PEX5L: variants seen among roughly 807,000 people sequenced by gnomAD.
PEX5L encodes the protein PEX5-related protein.
Under a neutral mutation model 84.0 loss-of-function variants are expected in PEX5L, and 30 were observed. That is an observed-to-expected ratio of 0.36 (90% CI 0.27 to 0.48). The LOEUF is 0.48. PEX5L is among the 20% of genes least tolerant of loss of function. The pLI, the probability that PEX5L is intolerant of heterozygous loss-of-function variation, is 0.99. For missense variants in PEX5L, 533 were observed against 754.6 expected (o/e 0.71, Z 3.44); for synonymous variants, 270 against 283.1 (o/e 0.95, Z 0.46).
At chr3:179,957,534 T>C (rs1179788913) in intron 2 of PEX5L, among the ~76,000 whole-genome samples, 1 of 152,144 alleles carries the variant, frequency 6.6e-6, no homozygotes. Context: ...TGGGATAAAC[T>C]AGCTCTACTA....
At chr3:179,961,364 TAA>T (rs34322140) in intron 2 of PEX5L, among the ~76,000 whole-genome samples, 78 of 150,088 alleles carry the variant, frequency 5.2e-4, no homozygotes, top group East Asian at 3.9e-3. Context: ...CAATGGAGCA[TAA>T]AAAAAAAAAC....
intron 4 of PEX5L, among the ~76,000 whole-genome samples, chr3:179,882,060 T>G (rs542645618): frequency 6.6e-6 from 1 of 152,326 alleles, no homozygotes; most frequent in East Asian, 1.9e-4. Context: ...TCCAGACCAC[T>G]ATTATGTTGG....
At chr3:179,949,422 C>T (rs6443682) in intron 2 of PEX5L, among the ~76,000 whole-genome samples, 89,585 of 151,980 alleles carry the variant, frequency 0.59, 27,544 homozygotes, top group African/African-American at 0.77. Flanking sequence ...GTCAGCATGA[C>T]TTTAAATTGC....
At chr3:179,986,165 A>AAT (rs761109429) in intron 1 of PEX5L, among the ~76,000 whole-genome samples, 247 of 122,138 alleles carry the variant, frequency 2.0e-3, no homozygotes, top group East Asian at 0.015. Context: ...TGTAATTTAA[A>AAT]ATATATATAT....
chr3:179,934,592 A>T (rs1401780194), intron 2 of PEX5L, among the ~76,000 whole-genome samples: 3 of 152,236 alleles, frequency 2.0e-5, no homozygotes, highest in Non-Finnish European at 4.4e-5. Context: ...GAATTCAGTT[A>T]TTGTTTTCAA....
chr3:179,892,478 AT>A (rs1757922029), intron 3 of PEX5L, among the ~76,000 whole-genome samples: 2 of 152,076 alleles, frequency 1.3e-5, no homozygotes, highest in African/African-American at 2.4e-5. Context: ...TCATCCAAGA[AT>A]TTTTTTTGTA....
chr3:179,901,647 G>T (rs1761381704), intron 2 of PEX5L, among the ~76,000 whole-genome samples: 1 of 152,078 alleles, frequency 6.6e-6, no homozygotes, highest in South Asian at 2.1e-4. Flanking sequence ...ACGTTGACTG[G>T]AAAAACAATA....
chr3:179,987,651 A>G (rs1306486955), intron 1 of PEX5L, among the ~76,000 whole-genome samples: 2 of 152,140 alleles, frequency 1.3e-5, no homozygotes, highest in East Asian at 3.9e-4. Context: ...GGCCTGACCA[A>G]TCCTCCTACC....
chr3:179,934,587 C>G (rs1467672053), intron 2 of PEX5L, among the ~76,000 whole-genome samples: 1 of 152,128 alleles, frequency 6.6e-6, no homozygotes, highest in East Asian at 1.9e-4. Flanking sequence ...AATTTGAATT[C>G]AGTTATTGTT....
intron 2 of PEX5L, among the ~76,000 whole-genome samples, chr3:179,924,609 T>C (rs1455603007): frequency 6.6e-6 from 1 of 152,162 alleles, no homozygotes; most frequent in African/African-American, 2.4e-5. Context: ...CCTCCTAAAT[T>C]GGCAAATTGC....
In PEX5L at chr3:179,797,346, A is replaced by T. The variant is rs1023283391; in HGVS notation, c.*4482T>A. On this transcript the variant is annotated 3_prime_UTR_variant, in exon 15 of 15. Transcript: ENST00000467460. ...AAAGCAAATAGAAAAACTGTAACACAAAGTTCATAAAAATGCTCCCTTGTA... is the reference window on the plus strand; with the variant it reads ...AAAGCAAATAGAAAAACTGTAACACTAAGTTCATAAAAATGCTCCCTTGTA... 6.6e-6 allele frequency: 1 copy of T among 152,326 alleles called. No homozygotes were observed. The highest frequency in any genetic ancestry group is 2.1e-4 in the South Asian group (1 of 4,828). 9.4% of individuals were successfully genotyped at this position (152,326 alleles called of 1,614,324 possible).
At chr3:179,997,293 G>C (rs1303397370) in intron 1 of PEX5L, among the ~76,000 whole-genome samples, 1 of 152,204 alleles carries the variant, frequency 6.6e-6, no homozygotes, top group East Asian at 1.9e-4. Context: ...TGGTCCTCCA[G>C]TTAAAGTAGG....
intron 3 of PEX5L, among the ~76,000 whole-genome samples, chr3:179,893,405 A>AT (rs1335693984): frequency 6.6e-6 from 1 of 152,120 alleles, no homozygotes; most frequent in East Asian, 1.9e-4. Flanking sequence ...GCTTTTAAAT[A>AT]TTTTTTGTTA....
rs752589919 is a variant in PEX5L at position 179,802,040 on chromosome 3, G to A, written c.1677-8C>T. 3.8e-6 allele frequency: 6 copies of A among 1,594,994 alleles called. No individual in the cohort carries two copies. The highest frequency in any genetic ancestry group is 3.3e-5 in the South Asian group (3 of 90,656). On this transcript the variant is annotated splice_region_variant and splice_polypyrimidine_tract_variant and intron_variant, in intron 14 of 14. Coordinates refer to ENST00000467460, the MANE Select transcript of PEX5L (RefSeq NM_016559.3). ...AAATTGCTGACCGCTTCTCTAAGAA[G>A]GTAGAAAAACATATTTTAAAATGAG...
chr3:179,975,758 C>A (rs1001431529), intron 1 of PEX5L, among the ~76,000 whole-genome samples: 5 of 152,182 alleles, frequency 3.3e-5, no homozygotes, highest in African/African-American at 7.2e-5. Flanking sequence ...CTTTCCTTCC[C>A]ACAGCTGCAA....
intron 2 of PEX5L, among the ~76,000 whole-genome samples, chr3:179,962,952 T>A (rs1205356902): frequency 2.6e-5 from 4 of 152,242 alleles, no homozygotes; most frequent in Non-Finnish European, 5.9e-5. Flanking sequence ...TGAAAATGAC[T>A]TAACAGCAAT....
At chr3:179,878,222 A>G (rs1599790) in intron 5 of PEX5L, among the ~76,000 whole-genome samples, 23,068 of 152,104 alleles carry the variant, frequency 0.15, 1,868 homozygotes, top group South Asian at 0.32. Context: ...ACATGTCCCC[A>G]TTGCTCACGT....
rs541942427 is a variant in PEX5L at position 179,978,825 on chromosome 3, G to A, written c.22-7160C>T. Among the ~76,000 whole-genome samples the A allele has an allele frequency of 3.2e-4, 48 of 152,284 alleles. 1 individual carries two copies. Among genetic ancestry groups the A allele is most frequent in the Non-Finnish European group, 5.4e-4 (37 of 68,028 alleles). ...AGGAGGAACGATTTCTGATCAAAGC[G>A]TTAGGATTTTTATAGCTCTCAGTCA... On this transcript the variant is annotated intron_variant, in intron 1 of 14. Transcript: ENST00000467460.
intron 2 of PEX5L, among the ~76,000 whole-genome samples, chr3:179,946,274 T>A (rs1457703803): frequency 2.6e-5 from 4 of 152,168 alleles, no homozygotes. Context: ...CTAATTTTGG[T>A]GAGTTACAGC....
Sources: allele counts gnomAD v4.1 joint callset (sites outside exome capture counted in the v4.1 genomes callset), GRCh38; gene constraint gnomAD v4.1.1; transcripts MANE v1.5; gene names NCBI Gene and HGNC (gene_info 2026-07-23, HGNC 2026-07-21).